CEACAM3: variants seen among roughly 807,000 people sequenced by gnomAD.
The protein encoded by CEACAM3 is CEA cell adhesion molecule 3.
Under a neutral mutation model 30.1 loss-of-function variants are expected in CEACAM3, and 32 were observed. That is an observed-to-expected ratio of 1.06 (90% CI 0.80 to 1.43). The LOEUF (loss-of-function observed/expected upper bound fraction) is 1.43. Among genes scored for constraint, CEACAM3 ranks in the 40% most tolerant of loss-of-function variants. The probability of loss-of-function intolerance (pLI) is 0.00; values close to 1 mark genes in which losing one functional copy is unlikely to be tolerated. For missense variants in CEACAM3, 290 were observed against 316.3 expected (o/e 0.92, Z 0.63); for synonymous variants, 134 against 127.2 (o/e 1.05, Z -0.36).
In CEACAM3 at chr19:41,797,551, A is replaced by T. The variant is rs782776854; in HGVS notation, c.65-38A>T. 5 of 1,585,490 alleles carry T rather than the reference A, an allele frequency of 3.2e-6. No individual in the cohort carries two copies. The South Asian group carries it at 4.6e-5, about 15-fold the overall frequency. ...GGGCCCCATCTTTCCATCCCAATACATGGGTCCCAATATTGACTGATGCTT... is the reference window on the plus strand; with the variant it reads ...GGGCCCCATCTTTCCATCCCAATACTTGGGTCCCAATATTGACTGATGCTT... On this transcript the variant is annotated intron_variant, in intron 1 of 6. Transcript: ENST00000357396.
chr19:41,797,987 G>C, intron 2 of CEACAM3, 39 bp downstream of exon 2: 1 of 1,565,344 alleles, frequency 6.4e-7, no homozygotes, highest in Admixed American at 1.8e-5. Context: ...TTGGGGGTCA[G>C]TTCTACTTCC....
chr19:41,810,896 A>G lies in CEACAM3; in HGVS notation c.692A>G (p.Glu231Gly), dbSNP rs782779270. The stretch of plus-strand genomic sequence containing the variant: ...CCCAGGACAGCAGCTTCCATCTATG[A>G]GGTGAGTGTGGGCCACGGATGTTCT... The part of the protein sequence containing the change: ...PNPRTAASIY[E>G]ELLKHDTNIY... The change falls in exon 6 of 7, where the codon GAG becomes GGG. Residue 231 changes from glutamate to glycine, a missense_variant and splice_region_variant. Transcript: ENST00000357396. 3 of 1,613,376 alleles carry G rather than the reference A, an allele frequency of 1.9e-6. No homozygotes were observed. The highest frequency in any genetic ancestry group is 2.5e-6 in the Non-Finnish European group (3 of 1,179,626).
intron 4 of CEACAM3, 41 bp downstream of exon 4, chr19:41,810,058 G>T (rs781948708): frequency 6.3e-7 from 1 of 1,594,112 alleles, no homozygotes; most frequent in Non-Finnish European, 8.6e-7. Context: ...GGAACCCCTA[G>T]GACAGCCCCA....
intron 2 of CEACAM3, among the ~76,000 whole-genome samples, chr19:41,803,863 T>C (rs1381814776): frequency 6.6e-6 from 1 of 152,084 alleles, no homozygotes; most frequent in Non-Finnish European, 1.5e-5. Context: ...GTGGATCACC[T>C]GAGGTCAGGA....
chr19:41,809,888 C>T lies in CEACAM3; in HGVS notation c.543-77C>T, dbSNP rs1053525890. The T allele has an allele frequency of 1.8e-5, 26 of 1,471,056 alleles. No individual in the cohort carries two copies. In the East Asian group the frequency reaches 5.9e-4, roughly 33 times the overall value. 91.1% of individuals were successfully genotyped at this position (1,471,056 alleles called of 1,614,324 possible). On this transcript the variant is annotated intron_variant, in intron 3 of 6. Coordinates refer to ENST00000357396, the MANE Select transcript of CEACAM3 (RefSeq NM_001815.5). ...TGCCCATCCTTGAAAATGGGTTTCC[C>T]TTCTTGTCCCCTGTTCGAACTCCAA...
chr19:41,811,336 T>G lies in CEACAM3; in HGVS notation c.*99T>G. 1 of 1,044,530 alleles carries G rather than the reference T, an allele frequency of 9.6e-7. No individual in the cohort carries two copies. The allele number at this position is 1,044,530 out of a possible 1,614,324, so 64.7% of individuals were successfully genotyped here. A position where few individuals can be genotyped will look rare whatever the true frequency, so the allele number is the denominator to read the frequency against. ...ATGAAGCCTGAGCCAGAGAACCAGCTATAAGTCCTGAGAAGACACTGGTGT... is the reference window on the plus strand; with the variant it reads ...ATGAAGCCTGAGCCAGAGAACCAGCGATAAGTCCTGAGAAGACACTGGTGT... On this transcript the variant is annotated 3_prime_UTR_variant, in exon 7 of 7. Coordinates refer to ENST00000357396, the MANE Select transcript of CEACAM3 (RefSeq NM_001815.5).
chr19:41,805,608 C>T (rs1434806680), intron 2 of CEACAM3, among the ~76,000 whole-genome samples: 1 of 152,072 alleles, frequency 6.6e-6, no homozygotes, highest in Non-Finnish European at 1.5e-5. Context: ...CTCTCTGATT[C>T]CATGAGTTTG....
intron 1 of CEACAM3, chr19:41,797,310 G>T: frequency 2.3e-6 from 1 of 440,152 alleles, no homozygotes; most frequent in Non-Finnish European, 4.1e-6. Flanking sequence ...TAGAGGAGGT[G>T]TCAGGGGAGG....
At chr19:41,798,597 G>A (rs1429414900) in intron 2 of CEACAM3, among the ~76,000 whole-genome samples, 5 of 152,184 alleles carry the variant, frequency 3.3e-5, no homozygotes, top group African/African-American at 1.2e-4. Flanking sequence ...TAGGGCATGA[G>A]CCCACTGCCC....
intron 2 of CEACAM3, among the ~76,000 whole-genome samples, chr19:41,803,696 A>G (rs1294514164): frequency 1.5e-5 from 1 of 67,934 alleles, no homozygotes; most frequent in Non-Finnish European, 4.4e-5. Flanking sequence ...TCGACCTCCC[A>G]ACCTCATGAT....
intron 2 of CEACAM3, chr19:41,807,392 A>G: frequency 5.0e-6 from 3 of 603,104 alleles, no homozygotes; most frequent in Non-Finnish European, 6.9e-6. Context: ...TGTCCTCTGT[A>G]TCTTCTGTTC....
Position 41,797,758 on chromosome 19 carries a change from A to G in CEACAM3, c.234A>G (p.Leu78=), listed in dbSNP as rs1375079909. 6.2e-7 allele frequency: 1 copy of G among 1,612,804 alleles called. No homozygotes were observed. The change falls in exon 2 of 7, where the codon CTA becomes CTG. Residue 78 remains leucine, a synonymous_variant. Coordinates refer to ENST00000357396, the MANE Select transcript of CEACAM3 (RefSeq NM_001815.5). ...GGGAAAGAGTGGATGGCAACAGTCT[A>G]ATTGTAGGATATGTAATAGGAACTC... is the stretch of plus-strand genomic sequence containing the variant. ...YKGERVDGNS[L]IVGYVIGTQQ...
rs111414446 is a variant in CEACAM3, at chr19:41,797,961, A to G, written c.424+13A>G. The G allele has an allele frequency of 1.3e-6, 2 of 1,584,874 alleles. No homozygotes were observed. Among genetic ancestry groups the G allele is most frequent in the Non-Finnish European group, 1.7e-6 (2 of 1,164,936 alleles). ...TTCCATGTATACCGTGAGTATTTCCACATGACCTCTGGGTGTTGGGGGTCA... is the reference window on the plus strand; with the variant it reads ...TTCCATGTATACCGTGAGTATTTCCGCATGACCTCTGGGTGTTGGGGGTCA... On this transcript the variant is annotated intron_variant, in intron 2 of 6. Transcript: ENST00000357396.
intron 2 of CEACAM3, among the ~76,000 whole-genome samples, chr19:41,806,005 TTTGTTGTTG>T (rs1174523555): frequency 1.6e-4 from 7 of 43,380 alleles, no homozygotes; most frequent in Non-Finnish European, 6.0e-4. Flanking sequence ...GTTGTTGTTG[TTTGTTGTTG>T]TTGTTGTTGT....
chr19:41,807,557 G>A (rs1323200500), intron 2 of CEACAM3: 3 of 1,297,756 alleles, frequency 2.3e-6, no homozygotes, highest in African/African-American at 3.0e-5. Flanking sequence ...AAGAATAGGA[G>A]GGGAGAGGCT....
At chr19:41,798,469 G>A (rs1204640692) in intron 2 of CEACAM3, among the ~76,000 whole-genome samples, 2 of 152,204 alleles carry the variant, frequency 1.3e-5, no homozygotes, top group African/African-American at 4.8e-5. Flanking sequence ...TCTGAGGGTC[G>A]TGGCTCCTGG....
At chr19:41,808,695 C>T in intron 2 of CEACAM3, 118 bp from the exon 3 acceptor site, 2 of 769,666 alleles carry the variant, frequency 2.6e-6, no homozygotes, top group Middle Eastern at 3.6e-4. Context: ...CAAGAGACTA[C>T]ACTCAGGCCC....
chr19:41,799,205 T>C (rs555969777), intron 2 of CEACAM3, among the ~76,000 whole-genome samples: 117 of 152,300 alleles, frequency 7.7e-4, no homozygotes, highest in African/African-American at 2.5e-3. Context: ...GGGAGGCGAT[T>C]GGATCATGGG....
At chr19:41,810,065 C>A in intron 4 of CEACAM3, 48 bp downstream of exon 4, 1 of 1,560,470 alleles carries the variant, frequency 6.4e-7, no homozygotes, top group Non-Finnish European at 8.8e-7. Flanking sequence ...CTAGGACAGC[C>A]CCACAGTGTC....
Sources: gnomAD v4.1 joint callset for allele counts (sites outside exome capture counted in the v4.1 genomes callset) on GRCh38, gnomAD v4.1.1 for gene constraint, MANE v1.5 for transcripts, NCBI Gene and HGNC (gene_info 2026-07-23, HGNC 2026-07-21) for gene names.